SUSD1: variants seen among roughly 807,000 people sequenced by gnomAD.
SUSD1 encodes the protein sushi domain-containing protein 1.
SUSD1 carries 65 observed loss-of-function variants against 86.9 expected under a neutral mutation model. The observed-to-expected ratio is 0.75, with a 90% CI of 0.61 to 0.92. SUSD1 has a LOEUF of 0.92. Ranked by LOEUF, SUSD1 falls within the 40% of genes least tolerant of loss-of-function variation. SUSD1 has a pLI of 0.00. For missense variants in SUSD1, 850 were observed against 929.7 expected, an observed-to-expected ratio of 0.91 and a Z score of 1.11; for synonymous variants, 346 against 350.0, an observed-to-expected ratio of 0.99 and a Z score of 0.13.
chr9:112,168,101 A>C (rs1833899116), intron 1 of SUSD1, among the ~76,000 whole-genome samples: 1 of 152,246 alleles, frequency 6.6e-6, no homozygotes, highest in Non-Finnish European at 1.5e-5. Flanking sequence ...GGGTAGGGAC[A>C]CAGCCAAACC....
At chr9:112,045,250 A>G (rs756089487) in intron 15 of SUSD1, among the ~76,000 whole-genome samples, 4 of 152,190 alleles carry the variant, frequency 2.6e-5, no homozygotes, top group Non-Finnish European at 5.9e-5. Context: ...ATTCCTTCCA[A>G]CTTCTGACAT....
intron 5 of SUSD1, among the ~76,000 whole-genome samples, chr9:112,132,348 G>A (rs78238419): frequency 0.027 from 4,100 of 152,234 alleles, 202 homozygotes; most frequent in African/African-American, 0.094. Flanking sequence ...TCCACTTATT[G>A]ATATTGACCC....
chr9:112,141,749 GTAATATA>G (rs1249013462), intron 5 of SUSD1, among the ~76,000 whole-genome samples: 2 of 120,244 alleles, frequency 1.7e-5, no homozygotes, highest in South Asian at 4.6e-4. Flanking sequence ...TATATTACAT[GTAATATA>G]TAATATATAA....
intron 15 of SUSD1, among the ~76,000 whole-genome samples, chr9:112,047,013 C>G (rs765672279): frequency 1.1e-3 from 161 of 152,296 alleles, no homozygotes; most frequent in Non-Finnish European, 2.0e-3. Flanking sequence ...TGGTTCTCTG[C>G]TCAGGGCCTG....
intron 2 of SUSD1, among the ~76,000 whole-genome samples, chr9:112,152,576 T>C (rs1833103154): frequency 6.7e-6 from 1 of 148,470 alleles, no homozygotes; most frequent in Non-Finnish European, 1.5e-5. Flanking sequence ...ATAATTTTTT[T>C]TTTTTTTTTT....
intron 5 of SUSD1, among the ~76,000 whole-genome samples, chr9:112,135,843 A>G (rs890050137): frequency 6.6e-6 from 1 of 152,244 alleles, no homozygotes; most frequent in Non-Finnish European, 1.5e-5. Context: ...ATCCGATTAA[A>G]TCTTCACAAT....
intron 5 of SUSD1, among the ~76,000 whole-genome samples, chr9:112,132,612 C>T (rs1297946458): frequency 6.6e-6 from 1 of 152,188 alleles, no homozygotes; most frequent in Non-Finnish European, 1.5e-5. Flanking sequence ...ACAATGCTTA[C>T]GTTCCAAATC....
chr9:112,159,420 A>G (rs907886171), intron 1 of SUSD1, among the ~76,000 whole-genome samples: 6 of 152,330 alleles, frequency 3.9e-5, no homozygotes, highest in Non-Finnish European at 8.8e-5. Context: ...AATAAAAGAC[A>G]ACACAAAAAT....
At chr9:112,143,146 G>T (rs1043525825) in intron 4 of SUSD1, among the ~76,000 whole-genome samples, 1 of 150,702 alleles carries the variant, frequency 6.6e-6, no homozygotes. Context: ...CACCACACCT[G>T]GCTATTTTTT....
At chr9:112,045,066 A>C (rs1827897253) in intron 15 of SUSD1, among the ~76,000 whole-genome samples, 1 of 152,282 alleles carries the variant, frequency 6.6e-6, no homozygotes, top group Non-Finnish European at 1.5e-5. Context: ...AAATTAAGGC[A>C]TTAAGATGCC....
chr9:112,100,343 C>T lies in SUSD1; in HGVS notation c.1282-1681G>A, dbSNP rs200099622. 8.2e-4 allele frequency among the ~76,000 whole-genome samples: 125 copies of T among 152,108 alleles called. 2 individuals are homozygous for T. The East Asian group carries it at 0.023, about 28-fold the overall frequency. On this transcript the variant is annotated intron_variant, in intron 9 of 16. Transcript: ENST00000374270. ...CTGGGACTACAGGTGCCCGCCACCA[C>T]GCCTGGCTAATTTTTTGTATTTTTA...
At chr9:112,080,004 G>T in intron 11 of SUSD1, 70 bp downstream of exon 11, 1 of 1,080,578 alleles carries the variant, frequency 9.3e-7, no homozygotes, top group Non-Finnish European at 1.4e-6. Context: ...AGATTTTTAG[G>T]TTTGTGGGTA....
At chr9:112,107,236 C>T (rs995797845) in intron 8 of SUSD1, among the ~76,000 whole-genome samples, 1 of 109,920 alleles carries the variant, frequency 9.1e-6, no homozygotes, top group Non-Finnish European at 1.7e-5. Flanking sequence ...GCCTGGGCAA[C>T]AGAGCTAGAC....
Position 112,080,009 on chromosome 9 carries a change from T to TG in SUSD1, c.1566+64dup, listed in dbSNP as rs562166060. The stretch of plus-strand genomic sequence containing the variant: ...TTATAGATGTAGATTTTTAGGTTTG[T>TG]GGGTATTTTTAAGCCTCCCACATAA... On this transcript the variant is annotated intron_variant, in intron 11 of 16. Transcript: ENST00000374270. 1,125 of 1,124,336 alleles carry TG rather than the reference T, an allele frequency of 1.0e-3. 12 individuals carry two copies. The African/African-American group carries it at 0.015, about 15-fold the overall frequency. 69.6% of individuals were successfully genotyped at this position (1,124,336 alleles called of 1,614,324 possible). A position where few individuals can be genotyped will look rare whatever the true frequency, so the allele number is the denominator to read the frequency against.
rs141691545 is a variant in SUSD1 at position 112,123,703 on chromosome 9, G to A, written c.886+554C>T. On this transcript the variant is annotated intron_variant, in intron 6 of 16. Transcript: ENST00000374270. ...TATTCCCAGCTACTCGGGAGGCTGA[G>A]GCAGGCGAATCACTTGGTCACTGCA... is the stretch of plus-strand genomic sequence containing the variant. Among the ~76,000 whole-genome samples, 142 of 152,194 alleles carry A rather than the reference G, an allele frequency of 9.3e-4. 2 individuals carry two copies. The East Asian group carries it at 0.026, about 27-fold the overall frequency.
chr9:112,057,791 T>A (rs1360512207), intron 14 of SUSD1, among the ~76,000 whole-genome samples: 4 of 152,352 alleles, frequency 2.6e-5, no homozygotes, highest in Non-Finnish European at 5.9e-5. Context: ...CTTCTAGTTT[T>A]CATTACTGGC....
At chr9:112,135,946 C>T (rs999331186) in intron 5 of SUSD1, among the ~76,000 whole-genome samples, 8 of 152,182 alleles carry the variant, frequency 5.3e-5, no homozygotes, top group African/African-American at 1.9e-4. Context: ...TAGTTAGTGG[C>T]TCAGATAAAA....
intron 13 of SUSD1, 119 bp downstream of exon 13, chr9:112,062,818 T>C: frequency 1.6e-6 from 1 of 619,084 alleles, no homozygotes; most frequent in Non-Finnish European, 2.8e-6. Context: ...CCCAACTGCA[T>C]TGTTCTAACC....
chr9:112,146,834 T>C (rs1454380475), intron 3 of SUSD1, among the ~76,000 whole-genome samples: 1 of 152,098 alleles, frequency 6.6e-6, no homozygotes, highest in Admixed American at 6.6e-5. Flanking sequence ...TGAAGTCTCA[T>C]TATGTTGCCC....
Sources: gnomAD v4.1 joint callset for allele counts (sites outside exome capture counted in the v4.1 genomes callset) on GRCh38, gnomAD v4.1.1 for gene constraint, MANE v1.5 for transcripts, NCBI Gene and HGNC (gene_info 2026-07-23, HGNC 2026-07-21) for gene names.